MGAT4C: variants seen among roughly 807,000 people sequenced by gnomAD.
The protein encoded by MGAT4C is MGAT4 family member C, also known as alpha-1,3-mannosyl-glycoprotein 4-beta-N-acetylglucosaminyltransferase C.
A neutral mutation model predicts 40.1 loss-of-function variants in MGAT4C; 19 were observed. That is an observed-to-expected ratio of 0.47 (90% CI 0.33 to 0.70). The LOEUF (loss-of-function observed/expected upper bound fraction) is 0.70, where lower values mean the gene tolerates loss of function less well. Among genes scored for constraint, MGAT4C ranks in the 30% least tolerant of loss-of-function variants. The pLI is 0.02. For synonymous variants in MGAT4C, 181 were observed against 187.1 expected, an observed-to-expected ratio of 0.97 and a Z score of 0.27; for missense variants, 491 against 563.2, an observed-to-expected ratio of 0.87 and a Z score of 1.30.
At chr12:86,645,747 C>CAGT (rs1350624458) in intron 2 of MGAT4C, among the ~76,000 whole-genome samples, 1 of 151,712 alleles carries the variant, frequency 6.6e-6, no homozygotes, top group African/African-American at 2.4e-5. Context: ...TTCTTGACAG[C>CAGT]AGTGGCCTTT....
chr12:86,512,499 CAT>C (rs1958606577), intron 2 of MGAT4C, among the ~76,000 whole-genome samples: 1 of 152,074 alleles, frequency 6.6e-6, no homozygotes, highest in South Asian at 2.1e-4. Flanking sequence ...CTTGGAGTAT[CAT>C]TCATAATGGC....
Position 86,624,177 on chromosome 12 carries a change from G to A in MGAT4C, c.-229+103032C>T, listed in dbSNP as rs796443558. On this transcript the variant is annotated intron_variant, in intron 2 of 7. Transcript: ENST00000548651. ...TCTGGGGGCAGTGATACCAACTGAGGCAAGGGCCTACCCACAAATTTAAAA... is the reference window on the plus strand; with the variant it reads ...TCTGGGGGCAGTGATACCAACTGAGACAAGGGCCTACCCACAAATTTAAAA... Among the ~76,000 whole-genome samples the A allele has an allele frequency of 1.2e-4, 18 of 152,208 alleles. 1 individual carries two copies. The highest frequency in any genetic ancestry group is 4.3e-4 in the African/African-American group (18 of 41,522).
At chr12:86,527,999 G>T (rs1424345590) in intron 2 of MGAT4C, among the ~76,000 whole-genome samples, 1 of 151,384 alleles carries the variant, frequency 6.6e-6, no homozygotes, top group Non-Finnish European at 1.5e-5. Flanking sequence ...TGGTAAAGAT[G>T]GTAAAATAAA....
intron 3 of MGAT4C, among the ~76,000 whole-genome samples, chr12:86,390,495 T>C (rs944232492): frequency 3.3e-5 from 5 of 152,254 alleles, no homozygotes; most frequent in South Asian, 2.1e-4. Context: ...TATTTAAAAT[T>C]CATTCAACAT....
chr12:86,664,791 GA>G (rs1170983955), intron 2 of MGAT4C, among the ~76,000 whole-genome samples: 1 of 152,004 alleles, frequency 6.6e-6, no homozygotes, highest in East Asian at 1.9e-4. Flanking sequence ...ATTTACTATA[GA>G]AAAAAACAAT....
chr12:86,225,727 T>C (rs1247762976), intron 1 of MGAT4C, among the ~76,000 whole-genome samples: 1 of 152,048 alleles, frequency 6.6e-6, no homozygotes, highest in Non-Finnish European at 1.5e-5. Flanking sequence ...GAAAAATCAT[T>C]TGATAAAATT....
intron 1 of MGAT4C, among the ~76,000 whole-genome samples, chr12:86,110,338 G>GTC (rs1375046285): frequency 5.5e-5 from 1 of 18,330 alleles, no homozygotes; most frequent in African/African-American, 2.1e-4. Flanking sequence ...TCTGTATATA[G>GTC]TCTCTCTCTC....
chr12:86,109,403 T>G (rs1876812848), intron 1 of MGAT4C, among the ~76,000 whole-genome samples: 1 of 152,122 alleles, frequency 6.6e-6, no homozygotes, highest in Admixed American at 6.6e-5. Flanking sequence ...CTGAGTTTTC[T>G]TAAAGAGTTA....
chr12:86,732,373 T>G (rs528782448), intron 1 of MGAT4C, among the ~76,000 whole-genome samples: 117 of 152,300 alleles, frequency 7.7e-4, no homozygotes, highest in South Asian at 2.3e-3. Flanking sequence ...TTACATTTAT[T>G]GCACACTTTA....
chr12:86,124,806 A>C (rs1879985506), intron 1 of MGAT4C, among the ~76,000 whole-genome samples: 1 of 152,104 alleles, frequency 6.6e-6, no homozygotes, highest in South Asian at 2.1e-4. Context: ...TAGTGCTATA[A>C]TTTTACCAAG....
intron 2 of MGAT4C, among the ~76,000 whole-genome samples, chr12:86,643,244 T>C (rs1963443580): frequency 1.3e-5 from 2 of 151,842 alleles, no homozygotes; most frequent in South Asian, 2.1e-4. Flanking sequence ...AGAGCCGCCA[T>C]GACCTATACA....
intron 2 of MGAT4C, among the ~76,000 whole-genome samples, chr12:86,685,012 T>A (rs1184247990): frequency 1.3e-5 from 2 of 152,196 alleles, no homozygotes; most frequent in Non-Finnish European, 2.9e-5. Context: ...GATAGTATAT[T>A]TTGCTGTGCA....
chr12:86,658,877 G>A (rs1180023500), intron 2 of MGAT4C, among the ~76,000 whole-genome samples: 1 of 152,020 alleles, frequency 6.6e-6, no homozygotes, highest in Non-Finnish European at 1.5e-5. Context: ...TAAGGCTTAA[G>A]CATCTTCACA....
At chr12:86,422,105 A>G (rs982122422) in intron 3 of MGAT4C, among the ~76,000 whole-genome samples, 1 of 152,240 alleles carries the variant, frequency 6.6e-6, no homozygotes, top group African/African-American at 2.4e-5. Flanking sequence ...GATTGACAGA[A>G]TGATGAAAAT....
intron 4 of MGAT4C, among the ~76,000 whole-genome samples, chr12:85,981,252 A>C (rs943108848): frequency 1.3e-5 from 2 of 152,158 alleles, no homozygotes; most frequent in Non-Finnish European, 2.9e-5. Context: ...GAGAAAAGAC[A>C]GCTCACCTCT....
At chr12:86,171,999 GCT>G (rs1294228972) in intron 1 of MGAT4C, among the ~76,000 whole-genome samples, 2 of 152,150 alleles carry the variant, frequency 1.3e-5, no homozygotes, top group Non-Finnish European at 2.9e-5. Flanking sequence ...CAGCTCTTCA[GCT>G]CTCTGCCTGT....
intron 2 of MGAT4C, among the ~76,000 whole-genome samples, chr12:86,709,654 T>A (rs185487371): frequency 2.6e-5 from 4 of 152,108 alleles, no homozygotes; most frequent in Non-Finnish European, 5.9e-5. Context: ...TCTCAAGTGA[T>A]CCCCCCACCT....
At chr12:86,314,947 A>G (rs971399386) in intron 4 of MGAT4C, among the ~76,000 whole-genome samples, 1 of 152,162 alleles carries the variant, frequency 6.6e-6, no homozygotes, top group Non-Finnish European at 1.5e-5. Context: ...ACACAACACT[A>G]TACCCATCAA....
intron 1 of MGAT4C, among the ~76,000 whole-genome samples, chr12:86,177,668 A>G (rs550022587): frequency 1.1e-4 from 16 of 152,048 alleles, no homozygotes; most frequent in South Asian, 4.1e-4. Flanking sequence ...GTAAAGTATT[A>G]CTCATAAAAT....
Sources: gnomAD v4.1 joint callset for allele counts (sites outside exome capture counted in the v4.1 genomes callset) on GRCh38, gnomAD v4.1.1 for gene constraint, MANE v1.5 for transcripts, NCBI Gene and HGNC (gene_info 2026-07-23, HGNC 2026-07-21) for gene names.